PLAGL1: variants seen among roughly 807,000 people sequenced by gnomAD.
The protein encoded by PLAGL1 is PLAG1 like zinc finger 1.
Under a neutral mutation model 4.6 loss-of-function variants are expected in PLAGL1, and 1 was observed. The observed-to-expected ratio is 0.22, with a 90% CI of 0.08 to 1.03. PLAGL1 has a LOEUF of 1.03. Among genes scored for constraint, PLAGL1 ranks in the 50% least tolerant of loss-of-function variants. PLAGL1 has a pLI of 0.58. For synonymous variants in PLAGL1, 240 were observed against 237.8 expected, an observed-to-expected ratio of 1.01 and a Z score of -0.08; for missense variants, 464 against 570.4, an observed-to-expected ratio of 0.81 and a Z score of 1.90.
intron 1 of PLAGL1, among the ~76,000 whole-genome samples, chr6:144,032,284 CTTT>C (rs11288479): frequency 1.3e-4 from 15 of 113,418 alleles, no homozygotes; most frequent in Admixed American, 3.6e-4. Flanking sequence ...CCACACCTGG[CTTT>C]TTTTTTTTTT....
Position 144,035,449 on chromosome 6 carries a change from CA to C in PLAGL1, c.-151+29018del, listed in dbSNP as rs1462693288. Among the ~76,000 whole-genome samples the C allele has an allele frequency of 3.3e-5, 5 of 152,216 alleles. 1 individual carries two copies. The highest frequency in any genetic ancestry group is 3.3e-4 in the Admixed American group (5 of 15,280). On this transcript the variant is annotated intron_variant, in intron 1 of 3. Coordinates refer to the PLAGL1 transcript ENST00000437412. ...GAAAGATGAAGGCCGGAAGACTCAG[CA>C]AATCTGCCCTCCCATCTTCTCCTGC... is the stretch of plus-strand genomic sequence containing the variant.
chr6:143,946,099 C>T (rs890138953), intron 7 of PLAGL1, among the ~76,000 whole-genome samples: 7 of 152,188 alleles, frequency 4.6e-5, no homozygotes, highest in Non-Finnish European at 8.8e-5. Flanking sequence ...TCAGGTCCTG[C>T]GGTCCACCCT....
Position 143,965,386 on chromosome 6 carries a change from C to G in PLAGL1, c.-430-568G>C. 6.6e-6 allele frequency: 1 copy of G among 152,198 alleles called. No homozygotes were observed. The highest frequency in any genetic ancestry group is 2.1e-4 in the South Asian group (1 of 4,830). 9.4% of individuals were successfully genotyped at this position (152,198 alleles called of 1,614,324 possible). A position where few individuals can be genotyped will look rare whatever the true frequency, so the allele number is the denominator to read the frequency against. On this transcript the variant is annotated intron_variant, in intron 4 of 7. Coordinates refer to ENST00000674357, the MANE Select transcript of PLAGL1 (RefSeq NM_001317162.2). This position sits in a 1 kb window ranked among gnomAD's most constrained non-coding sequence, Gnocchi z 7.5. ...AGACTAGAACTTTTAGTGCTGAGAG[C>G]TCTGGCTGGGAGAACCTCACATTCC... is the stretch of plus-strand genomic sequence containing the variant.
chr6:144,063,075 C>T lies in PLAGL1; in HGVS notation c.-151+1393G>A, dbSNP rs532842849. On this transcript the variant is annotated intron_variant, in intron 1 of 3. Coordinates refer to the PLAGL1 transcript ENST00000437412. This position sits in a 1 kb window ranked among gnomAD's most constrained non-coding sequence, Gnocchi z 5.7. ...ACCAACGTTGTCACAGAGTTGATCA[C>T]CTGAAAACCAGCCCTCCTTTCCTTC... 4.6e-5 allele frequency among the ~76,000 whole-genome samples: 7 copies of T among 152,332 alleles called. No individual in the cohort carries two copies. Among genetic ancestry groups the T allele is most frequent in the Admixed American group, 3.3e-4 (5 of 15,308 alleles).
In PLAGL1 at chr6:143,961,360, C is replaced by T. The variant is rs1783345062; in HGVS notation, c.-398-818G>A. On this transcript the variant is annotated intron_variant, in intron 5 of 7. Transcript: ENST00000674357. This position sits in a 1 kb window ranked among gnomAD's most constrained non-coding sequence, Gnocchi z 6.5. ...AGGATTTTCTTAACTAGTACAAAGG[C>T]AAATCTGCTATGGAACAAAGCCAAT... 2.6e-5 allele frequency: 4 copies of T among 152,202 alleles called. No homozygotes were observed. Among genetic ancestry groups the T allele is most frequent in the Admixed American group, 2.6e-4 (4 of 15,280 alleles). The allele number at this position is 152,202 out of a possible 1,614,324, so 9.4% of individuals were successfully genotyped here. A position where few individuals can be genotyped will look rare whatever the true frequency, so the allele number is the denominator to read the frequency against.
intron 1 of PLAGL1, among the ~76,000 whole-genome samples, chr6:144,028,268 A>G (rs1796522120): frequency 6.6e-6 from 1 of 152,222 alleles, no homozygotes; most frequent in African/African-American, 2.4e-5. Flanking sequence ...TTTAAATTAT[A>G]TATTTTAAGT....
rs192785575 is a variant in PLAGL1 at position 144,016,543 on chromosome 6, A to G, written c.-150-47565T>C. Among the ~76,000 whole-genome samples the G allele has an allele frequency of 2.3e-3, 350 of 152,344 alleles. 1 individual carries two copies. The highest frequency in any genetic ancestry group is 7.8e-3 in the African/African-American group (324 of 41,572). On this transcript the variant is annotated intron_variant, in intron 1 of 3. Transcript: ENST00000437412. This position sits in a 1 kb window ranked among gnomAD's most constrained non-coding sequence, Gnocchi z 4.2. ...TAATATGTAAACGACACATGGTCCCATTCATAGGAAATTTTAGAAACACAA... is the reference window on the plus strand; with the variant it reads ...TAATATGTAAACGACACATGGTCCCGTTCATAGGAAATTTTAGAAACACAA...
intron 7 of PLAGL1, among the ~76,000 whole-genome samples, chr6:143,946,864 G>T (rs144526335): frequency 3.9e-5 from 6 of 152,176 alleles, no homozygotes; most frequent in Non-Finnish European, 8.8e-5. Flanking sequence ...GTGAGTGGAC[G>T]CACTATGTGT....
intron 1 of PLAGL1, among the ~76,000 whole-genome samples, chr6:143,998,191 A>G (rs1252564425): frequency 6.6e-6 from 1 of 152,224 alleles, no homozygotes; most frequent in South Asian, 2.1e-4. Flanking sequence ...ATAGGAGTAC[A>G]CCAGTTAATC....
chr6:143,985,802 G>A lies in PLAGL1; in HGVS notation c.-583-628C>T, dbSNP rs1788885830. ...CGCAAAAAGTAAGGGAGTCAGAAAT[G>A]TTGTCTGCACTCACAGATTCCATAT... On this transcript the variant is annotated intron_variant, in intron 1 of 7. Coordinates refer to ENST00000674357, the MANE Select transcript of PLAGL1 (RefSeq NM_001317162.2). This position sits in a 1 kb window ranked among gnomAD's most constrained non-coding sequence, Gnocchi z 4.4. Among the ~76,000 whole-genome samples the A allele has an allele frequency of 6.6e-6, 1 of 151,104 alleles. No individual in the cohort carries two copies. Among genetic ancestry groups the A allele is most frequent in the Non-Finnish European group, 1.5e-5 (1 of 67,824 alleles).
chr6:144,038,462 G>A (rs933667908), intron 1 of PLAGL1, among the ~76,000 whole-genome samples: 19 of 152,154 alleles, frequency 1.2e-4, no homozygotes, highest in African/African-American at 4.6e-4. Context: ...AAGACAATGA[G>A]GTACTGGCAT....
chr6:143,986,450 C>A (rs912788935), intron 1 of PLAGL1, among the ~76,000 whole-genome samples: 2 of 152,048 alleles, frequency 1.3e-5, no homozygotes, highest in Non-Finnish European at 2.9e-5. Context: ...TCTTAACATT[C>A]GTTGGGGATT....
Position 144,033,976 on chromosome 6 carries a change from G to A in PLAGL1, c.-151+30492C>T, listed in dbSNP as rs558757978. ...TCAAGAATGTAGAAGAACCCAAATAGAATTGCTAGAGATGAAAGATACACT... is the reference window on the plus strand; with the variant it reads ...TCAAGAATGTAGAAGAACCCAAATAAAATTGCTAGAGATGAAAGATACACT... On this transcript the variant is annotated intron_variant, in intron 1 of 3. Coordinates refer to the PLAGL1 transcript ENST00000437412. 2.0e-5 allele frequency among the ~76,000 whole-genome samples: 3 copies of A among 152,266 alleles called. No homozygotes were observed. In the East Asian group the frequency reaches 5.8e-4, roughly 29 times the overall value.
At position 143,941,212 on chromosome 6, in the gene PLAGL1, G is replaced by A. The variant is rs1033818415; in HGVS notation, c.*212C>T. 27 of 408,668 alleles carry A rather than the reference G, an allele frequency of 6.6e-5. No homozygotes were observed. Among genetic ancestry groups the A allele is most frequent in the Middle Eastern group, 6.1e-4 (1 of 1,630 alleles). The allele number at this position is 408,668 out of a possible 1,614,324, so 25.3% of individuals were successfully genotyped here. ...TATTTGCAGTTTGATTACAGAACAC[G>A]CGTTCATTAAATTTGGTACAAAGCA... On this transcript the variant is annotated 3_prime_UTR_variant, in exon 8 of 8. Transcript: ENST00000674357. This position sits in a 1 kb window ranked among gnomAD's most constrained non-coding sequence, Gnocchi z 6.0.
At position 144,063,724 on chromosome 6, in the gene PLAGL1, T is replaced by G. The variant is rs1799612386; in HGVS notation, c.-151+744A>C. 6.6e-6 allele frequency among the ~76,000 whole-genome samples: 1 copy of G among 152,114 alleles called. No homozygotes were observed. The highest frequency in any genetic ancestry group is 2.4e-5 in the African/African-American group (1 of 41,432). On this transcript the variant is annotated intron_variant, in intron 1 of 3. Transcript: ENST00000437412. This position sits in a 1 kb window ranked among gnomAD's most constrained non-coding sequence, Gnocchi z 5.7. ...TCGGGAAGCCCCAGGGGTATCTCTG[T>G]CCTCGACACAGCAGGGGCCCTACAA... is the stretch of plus-strand genomic sequence containing the variant.
intron 1 of PLAGL1, among the ~76,000 whole-genome samples, chr6:144,058,255 C>G (rs1446998283): frequency 1.3e-5 from 2 of 152,158 alleles, no homozygotes; most frequent in African/African-American, 4.8e-5. Context: ...GTTGCCACAG[C>G]ATCACACACT....
At chr6:144,018,510 C>A (rs757027047) in intron 1 of PLAGL1, among the ~76,000 whole-genome samples, 3 of 152,198 alleles carry the variant, frequency 2.0e-5, no homozygotes, top group Non-Finnish European at 4.4e-5. Flanking sequence ...TTGAAAATTG[C>A]AGATTTTAGT....
At chr6:143,986,436 A>T (rs1369134563) in intron 1 of PLAGL1, among the ~76,000 whole-genome samples, 1 of 152,174 alleles carries the variant, frequency 6.6e-6, no homozygotes, top group Admixed American at 6.5e-5. Flanking sequence ...CCCTAAAAAG[A>T]TAGTCTTAAC....
In PLAGL1 at chr6:144,036,798, C is replaced by A; in HGVS notation, c.-151+27670G>T. The A allele has an allele frequency of 3.0e-6, 1 of 336,546 alleles. No individual in the cohort carries two copies. Among genetic ancestry groups the A allele is most frequent in the South Asian group, 2.4e-5 (1 of 41,414 alleles). The allele number at this position is 336,546 out of a possible 1,614,324, so 20.8% of individuals were successfully genotyped here. On this transcript the variant is annotated intron_variant, in intron 1 of 3. Transcript: ENST00000437412. This position sits in a 1 kb window ranked among gnomAD's most constrained non-coding sequence, Gnocchi z 5.1. ...CAAGAAGGCAGACCTGCTAAATGCC[C>A]ATTATGACACTATTTGACTAAACAG...
Sources: allele counts gnomAD v4.1 joint callset (sites outside exome capture counted in the v4.1 genomes callset), GRCh38; gene constraint gnomAD v4.1.1; non-coding constraint Gnocchi (gnomAD v3.1); transcripts MANE v1.5; gene names NCBI Gene and HGNC (gene_info 2026-07-23, HGNC 2026-07-21).